Variants in NISCH observed in about 807,000 individuals in gnomAD.
NISCH encodes the protein nischarin, also known as I-1 receptor candidate protein.
Under a neutral mutation model 138.4 loss-of-function variants are expected in NISCH, and 55 were observed. That is an observed-to-expected ratio of 0.40 (90% CI 0.32 to 0.50). The LOEUF (loss-of-function observed/expected upper bound fraction) is 0.50, where lower values mean the gene tolerates loss of function less well. NISCH is among the 20% of genes least tolerant of loss of function. The probability of loss-of-function intolerance (pLI) is 0.71; values close to 1 mark genes in which losing one functional copy is unlikely to be tolerated. For synonymous variants in NISCH, 860 were observed against 861.5 expected, an observed-to-expected ratio of 1.00 and a Z score of 0.03; for missense variants, 1,643 against 2,005.5, an observed-to-expected ratio of 0.82 and a Z score of 3.45.
In NISCH at chr3:52,487,066, G is replaced by T. The variant is rs1365009964; in HGVS notation, c.1704-130G>T. 1.9e-6 allele frequency: 2 copies of T among 1,048,558 alleles called. No individual in the cohort carries two copies. The highest frequency in any genetic ancestry group is 2.7e-6 in the Non-Finnish European group (2 of 732,386). 65.0% of individuals were successfully genotyped at this position (1,048,558 alleles called of 1,614,324 possible). Reference sequence around the variant, plus strand: ...TCATCCTGGGAACTGACTTGGCCATGTGGGAGGCTTGGGAGACCCATGGGT... The same window carrying T: ...TCATCCTGGGAACTGACTTGGCCATTTGGGAGGCTTGGGAGACCCATGGGT... On this transcript the variant is annotated intron_variant, in intron 15 of 20. Transcript: ENST00000345716. The surrounding 1 kb of genome is among the most constrained non-coding windows in gnomAD (Gnocchi z 9.1).
rs1484276760 is a variant in NISCH at position 52,490,177 on chromosome 3, G to A, written c.3559G>A (p.Val1187Met). Residue 1187 changes from valine (V) to methionine (M), a missense_variant, in exon 18 of 21, where the codon GTG becomes ATG. Coordinates refer to ENST00000345716, the MANE Select transcript of NISCH (RefSeq NM_007184.4). ...CTGCGTGCTGCTCTCCACCAAGGCT[G>A]TGTACTTTGTGCTCCACGACGGCCT... ...TACVLLSTKAVYFVLHDGLRR... is the reference protein window; with the variant it reads ...TACVLLSTKAMYFVLHDGLRR... 3.1e-6 allele frequency: 5 copies of A among 1,613,488 alleles called. No individual in the cohort carries two copies. The highest frequency in any genetic ancestry group is 3.3e-5 in the Admixed American group (2 of 60,026).
intron 17 of NISCH, 34 bp from the exon 18 acceptor site, chr3:52,490,041 G>T (rs370454505): frequency 6.2e-7 from 1 of 1,612,410 alleles, no homozygotes; most frequent in Non-Finnish European, 8.5e-7. Context: ...GGTTGCTAGG[G>T]TGGTGGAGCT....
chr3:52,489,994 C>G, intron 17 of NISCH, 81 bp from the exon 18 acceptor site: 1 of 1,558,760 alleles, frequency 6.4e-7, no homozygotes, highest in South Asian at 1.2e-5. Context: ...TCCCATGTCT[C>G]CTTGTGGAAG....
intron 4 of NISCH, chr3:52,471,598 A>C (rs937194803): frequency 3.4e-6 from 2 of 585,106 alleles, no homozygotes; most frequent in Non-Finnish European, 3.0e-6. Flanking sequence ...TCACAGCCCC[A>C]CAGCCCTGCC....
At chr3:52,477,771 G>C in intron 9 of NISCH, 129 bp downstream of exon 9, 1 of 767,200 alleles carries the variant, frequency 1.3e-6, no homozygotes, top group Non-Finnish European at 2.3e-6. Context: ...CTTCGCTTTA[G>C]GATCCCAGCA....
rs1300873819 is a variant in NISCH at position 52,458,528 on chromosome 3, C to T, written c.178-134C>T. 6.2e-6 allele frequency: 4 copies of T among 649,216 alleles called. No homozygotes were observed. In the Admixed American group the frequency reaches 1.1e-4, roughly 19 times the overall value. The allele number at this position is 649,216 out of a possible 1,614,324, so 40.2% of individuals were successfully genotyped here. On this transcript the variant is annotated intron_variant, in intron 2 of 20. Coordinates refer to ENST00000345716, the MANE Select transcript of NISCH (RefSeq NM_007184.4). ...CAAATCCCAGGTGCACTAGTTTGGT[C>T]ACTGATTTTGGTACTACTGCAGGGA...
chr3:52,491,672 C>A, intron 20 of NISCH, 159 bp downstream of exon 20: 1 of 1,053,004 alleles, frequency 9.5e-7, no homozygotes. Flanking sequence ...GGCAGAGTCT[C>A]CACTCCAGCA....
At chr3:52,460,355 A>G (rs930184410) in intron 3 of NISCH, among the ~76,000 whole-genome samples, 9 of 152,170 alleles carry the variant, frequency 5.9e-5, no homozygotes, top group Non-Finnish European at 1.2e-4. Context: ...CTGTCTCAAA[A>G]AAAATGCAAC....
intron 13 of NISCH, among the ~76,000 whole-genome samples, chr3:52,482,406 T>C (rs1007636454): frequency 3.3e-5 from 5 of 151,738 alleles, no homozygotes; most frequent in Admixed American, 2.0e-4. Flanking sequence ...GTCGCCAGAG[T>C]TGATTGTCCA....
chr3:52,469,748 C>T (rs1057509423), intron 3 of NISCH, among the ~76,000 whole-genome samples: 1 of 152,012 alleles, frequency 6.6e-6, no homozygotes, highest in African/African-American at 2.4e-5. Context: ...AACCCTGTCT[C>T]TACTAAAAAT....
intron 1 of NISCH, among the ~76,000 whole-genome samples, chr3:52,456,066 T>G (rs996324039): frequency 1.3e-5 from 2 of 151,812 alleles, no homozygotes; most frequent in South Asian, 2.1e-4. Context: ...CCTCTAGGAC[T>G]GGAGGGGCCC....
chr3:52,491,218 A>T, intron 19 of NISCH, 134 bp from the exon 20 acceptor site: 1 of 1,376,380 alleles, frequency 7.3e-7, no homozygotes, highest in Non-Finnish European at 9.6e-7. Context: ...GGGCCCCATG[A>T]TTCTTTCCTG....
At chr3:52,484,467 G>GCCCCC in intron 13 of NISCH, 46 bp from the exon 14 acceptor site, 2 of 179,766 alleles carry the variant, frequency 1.1e-5, no homozygotes, top group Non-Finnish European at 2.2e-5. Context: ...CGCTCTCCCC[G>GCCCCC]CCCCACCCAC....
At chr3:52,476,332 A>T in intron 7 of NISCH, 115 bp from the exon 8 acceptor site, 1 of 1,146,818 alleles carries the variant, frequency 8.7e-7, no homozygotes, top group Non-Finnish European at 1.3e-6. Flanking sequence ...ATGCAAGTTT[A>T]CTTCCACATG....
At chr3:52,470,554 T>C in intron 3 of NISCH, 1 of 406,834 alleles carries the variant, frequency 2.5e-6, no homozygotes, top group Middle Eastern at 6.9e-4. Context: ...CCAAAAGCCC[T>C]TAGAGTAATG....
intron 11 of NISCH, among the ~76,000 whole-genome samples, chr3:52,479,164 C>G (rs1707192604): frequency 6.6e-6 from 1 of 152,226 alleles, no homozygotes; most frequent in African/African-American, 2.4e-5. Context: ...ATCTCCTCCC[C>G]TCCTGGGCTG....
chr3:52,462,333 C>A (rs758324619), intron 3 of NISCH, among the ~76,000 whole-genome samples: 1 of 152,226 alleles, frequency 6.6e-6, no homozygotes, highest in African/African-American at 2.4e-5. Context: ...CTTCTACCCA[C>A]TGGATGCCAG....
At position 52,487,676 on chromosome 3, in the gene NISCH, C is replaced by T. The variant is rs759791104; in HGVS notation, c.2184C>T (p.Cys728=). ...GCAGTATCCGCCAGTTCGCCGCCTGCCTTGTGCTCACCGACTTCGGCATCG... is the reference window on the plus strand; with the variant it reads ...GCAGTATCCGCCAGTTCGCCGCCTGTCTTGTGCTCACCGACTTCGGCATCG... ...VQGSIRQFAA[C]LVLTDFGIAV... is the part of the protein sequence containing the mutation. Residue 728 remains cysteine (C), a synonymous_variant, in exon 16 of 21, where the codon TGC becomes TGT. Coordinates refer to ENST00000345716, the MANE Select transcript of NISCH (RefSeq NM_007184.4). The surrounding 1 kb of genome is among the most constrained non-coding windows in gnomAD (Gnocchi z 9.1). 7.6e-5 allele frequency: 122 copies of T among 1,613,666 alleles called. 1 individual carries two copies. In the South Asian group the frequency reaches 8.6e-4, roughly 11 times the overall value.
At chr3:52,480,609 G>A in intron 13 of NISCH, 2 of 1,429,582 alleles carry the variant, frequency 1.4e-6, no homozygotes, top group Non-Finnish European at 1.8e-6. Flanking sequence ...TTGGCTCATG[G>A]GACCCATTCC....
Sources: gnomAD v4.1 joint callset for allele counts (sites outside exome capture counted in the v4.1 genomes callset) on GRCh38, gnomAD v4.1.1 for gene constraint, Gnocchi (gnomAD v3.1) non-coding constraint, MANE v1.5 for transcripts, NCBI Gene and HGNC (gene_info 2026-07-23, HGNC 2026-07-21) for gene names.